Variants in GRIK4 observed in about 807,000 individuals in gnomAD.
GRIK4 encodes the protein glutamate ionotropic receptor kainate type subunit 4.
A neutral mutation model predicts 104.9 loss-of-function variants in GRIK4; 40 were observed. The observed-to-expected ratio is 0.38, with a 90% CI of 0.30 to 0.50. The LOEUF is 0.50. GRIK4 is among the 20% of genes least tolerant of loss of function. The pLI is 0.93. For missense variants in GRIK4, 1,047 were observed against 1,308.1 expected, an observed-to-expected ratio of 0.80 and a Z score of 3.08; for synonymous variants, 485 against 524.9, an observed-to-expected ratio of 0.92 and a Z score of 1.04.
At chr11:120,787,670 C>CA (rs1952309216) in intron 3 of GRIK4, among the ~76,000 whole-genome samples, 1 of 151,286 alleles carries the variant, frequency 6.6e-6, no homozygotes, top group South Asian at 2.1e-4. Flanking sequence ...ACTATGTTGG[C>CA]CAGGCTGGTT....
At chr11:120,525,727 C>T (rs1220092080) in intron 1 of GRIK4, among the ~76,000 whole-genome samples, 2 of 152,184 alleles carry the variant, frequency 1.3e-5, no homozygotes, top group East Asian at 1.9e-4. Flanking sequence ...GGAAGTAGGG[C>T]TCTGGGGAGG....
At chr11:120,795,027 TG>T (rs1265916923) in intron 3 of GRIK4, among the ~76,000 whole-genome samples, 9 of 151,996 alleles carry the variant, frequency 5.9e-5, no homozygotes, top group African/African-American at 2.2e-4. Flanking sequence ...CAGGGTCAGC[TG>T]GGGAGCAGAG....
intron 3 of GRIK4, among the ~76,000 whole-genome samples, chr11:120,785,334 G>A (rs989367776): frequency 3.3e-5 from 5 of 152,270 alleles, no homozygotes; most frequent in African/African-American, 1.2e-4. Flanking sequence ...AACACATGGG[G>A]ACTATCTTCC....
At chr11:120,556,001 C>A (rs1157827292) in intron 1 of GRIK4, among the ~76,000 whole-genome samples, 1 of 152,214 alleles carries the variant, frequency 6.6e-6, no homozygotes, top group African/African-American at 2.4e-5. Context: ...CAGTTCTTCT[C>A]ATGGAAATGC....
At chr11:120,823,532 C>T (rs879759540) in intron 6 of GRIK4, among the ~76,000 whole-genome samples, 7 of 152,178 alleles carry the variant, frequency 4.6e-5, no homozygotes, top group Admixed American at 1.3e-4. Context: ...ACAGCTGGTA[C>T]GTGGCAAAGC....
chr11:120,819,406 G>C lies in GRIK4; in HGVS notation c.346-349G>C, dbSNP rs1394086390. On this transcript the variant is annotated intron_variant, in intron 5 of 20. Coordinates refer to ENST00000527524, the MANE Select transcript of GRIK4 (RefSeq NM_014619.5). This position sits in a 1 kb window ranked among gnomAD's most constrained non-coding sequence, Gnocchi z 4.3. Reference sequence around the variant, plus strand: ...TATTCTAAGGATTATGCTTTCAAGAGCCAACTGTCTCTCTGCCAGCAGCAG... The same window carrying C: ...TATTCTAAGGATTATGCTTTCAAGACCCAACTGTCTCTCTGCCAGCAGCAG... Among the ~76,000 whole-genome samples, 1 of 152,216 alleles carries C rather than the reference G, an allele frequency of 6.6e-6. No homozygotes were observed. The highest frequency in any genetic ancestry group is 2.4e-5 in the African/African-American group (1 of 41,456).
intron 8 of GRIK4, among the ~76,000 whole-genome samples, 153 bp downstream of exon 8, chr11:120,836,997 T>G (rs1591975699): frequency 1.3e-5 from 2 of 152,278 alleles, no homozygotes; most frequent in East Asian, 3.9e-4. Context: ...GTCCTGGAAA[T>G]TCTCATCCCA....
intron 1 of GRIK4, among the ~76,000 whole-genome samples, chr11:120,544,033 G>A (rs1433836126): frequency 6.6e-6 from 1 of 152,264 alleles, no homozygotes. Context: ...TATGCAAGGC[G>A]AGTCAGTTCT....
chr11:120,723,433 A>G (rs1950967744), intron 3 of GRIK4, among the ~76,000 whole-genome samples: 1 of 152,202 alleles, frequency 6.6e-6, no homozygotes, highest in Admixed American at 6.5e-5. Flanking sequence ...GTGACAAGCA[A>G]CACCAGGACC....
Position 120,967,662 on chromosome 11 carries a change from C to G in GRIK4, c.2395+339C>G, listed in dbSNP as rs1188289441. Among the ~76,000 whole-genome samples the G allele has an allele frequency of 5.3e-5, 8 of 152,208 alleles. No individual in the cohort carries two copies. The highest frequency in any genetic ancestry group is 1.3e-4 in the Admixed American group (2 of 15,282). Reference sequence around the variant, plus strand: ...AGTCGCCTGGTTTCAGTTTCCCATTCTTGCGTCTCTACAGTATATTCTCCG... The same window carrying G: ...AGTCGCCTGGTTTCAGTTTCCCATTGTTGCGTCTCTACAGTATATTCTCCG... On this transcript the variant is annotated intron_variant, in intron 19 of 20. Transcript: ENST00000527524. This position sits in a 1 kb window ranked among gnomAD's most constrained non-coding sequence, Gnocchi z 4.2.
In GRIK4 at chr11:120,963,971, A is replaced by T. The variant is rs115194902; in HGVS notation, c.2266+1290A>T. Among the ~76,000 whole-genome samples the T allele has an allele frequency of 7.8e-3, 430 of 54,876 alleles. 5 individuals are homozygous for T. Among genetic ancestry groups the T allele is most frequent in the African/African-American group, 0.036 (395 of 10,910 alleles). The allele number at this position is 54,876 out of a possible 152,430, so 36.0% of individuals were successfully genotyped here. ...TTCTTCCATGGTTTCCTATGTTTTTATTTATTTATTTATTTATTTATTTAT... is the reference window on the plus strand; with the variant it reads ...TTCTTCCATGGTTTCCTATGTTTTTTTTTATTTATTTATTTATTTATTTAT... On this transcript the variant is annotated intron_variant, in intron 18 of 20. Transcript: ENST00000527524.
rs143531809 is a variant in GRIK4 at position 120,967,269 on chromosome 11, C to T, written c.2341C>T (p.Arg781Cys). 1.5e-5 allele frequency: 25 copies of T among 1,613,584 alleles called. No individual in the cohort carries two copies. Among genetic ancestry groups the T allele is most frequent in the African/African-American group, 4.0e-5 (3 of 74,890 alleles). Residue 781 changes from arginine to cysteine, a missense_variant, in exon 19 of 21, where the codon CGC becomes TGC. By Grantham distance (180) the Arg-to-Cys change is radical (BLOSUM62 -3). Coordinates refer to ENST00000527524, the MANE Select transcript of GRIK4 (RefSeq NM_014619.5). The surrounding 1 kb of genome is among the most constrained non-coding windows in gnomAD (Gnocchi z 4.2). ...GAACAACCGCCTGGAGATCCTGAAG[C>T]GCAAATGGTGGGAAGGAGGGAAGTG... ...QENNRLEILK[R>C]KWWEGGKCPK...
At position 120,735,734 on chromosome 11, in the gene GRIK4, G is replaced by A. The variant is rs151323917; in HGVS notation, c.83-66959G>A. The stretch of plus-strand genomic sequence containing the variant: ...AATCTACCTGGTGTTCTATTCTTCT[G>A]TGGCTAAGCTGGCACAAAGTCCTTC... On this transcript the variant is annotated intron_variant, in intron 3 of 20. Transcript: ENST00000527524. Among the ~76,000 whole-genome samples the A allele has an allele frequency of 2.8e-3, 427 of 151,666 alleles. 2 individuals are homozygous for A. The highest frequency in any genetic ancestry group is 3.9e-3 in the Non-Finnish European group (264 of 67,938).
At chr11:120,532,851 G>T (rs1180160839) in intron 1 of GRIK4, among the ~76,000 whole-genome samples, 1 of 152,138 alleles carries the variant, frequency 6.6e-6, no homozygotes, top group East Asian at 1.9e-4. Context: ...TTGGAAGGGA[G>T]TGGGAAGGGC....
At chr11:120,607,037 G>C (rs1399035254) in intron 1 of GRIK4, among the ~76,000 whole-genome samples, 1 of 152,212 alleles carries the variant, frequency 6.6e-6, no homozygotes, top group Non-Finnish European at 1.5e-5. Context: ...GTCTCCTGGA[G>C]ATGGCAAGGG....
chr11:120,559,683 G>C (rs1948220757), intron 1 of GRIK4, among the ~76,000 whole-genome samples: 1 of 152,144 alleles, frequency 6.6e-6, no homozygotes, highest in African/African-American at 2.4e-5. Context: ...AGACACTTCT[G>C]GGGCAAGTAG....
At chr11:120,622,102 T>C (rs1197901084) in intron 1 of GRIK4, among the ~76,000 whole-genome samples, 1 of 152,118 alleles carries the variant, frequency 6.6e-6, no homozygotes, top group Non-Finnish European at 1.5e-5. Flanking sequence ...AGTTTTGCCA[T>C]GTTGGCCAGG....
intron 19 of GRIK4, among the ~76,000 whole-genome samples, chr11:120,977,231 G>A (rs1029191833): frequency 6.6e-6 from 1 of 152,154 alleles, no homozygotes; most frequent in Non-Finnish European, 1.5e-5. Context: ...AGAGACTCAA[G>A]TGTCAGGAGA....
intron 3 of GRIK4, among the ~76,000 whole-genome samples, chr11:120,735,474 G>T (rs1168471288): frequency 6.6e-6 from 1 of 152,092 alleles, no homozygotes; most frequent in Non-Finnish European, 1.5e-5. Context: ...CACTCAAATT[G>T]CCCTGGGTCA....
Sources: gnomAD v4.1 joint callset for allele counts (sites outside exome capture counted in the v4.1 genomes callset) on GRCh38, gnomAD v4.1.1 for gene constraint, Gnocchi (gnomAD v3.1) non-coding constraint, MANE v1.5 for transcripts, NCBI Gene and HGNC (gene_info 2026-07-23, HGNC 2026-07-21) for gene names.